Variants in PDSS1 observed in about 807,000 individuals in gnomAD.
PDSS1 encodes the protein all trans-polyprenyl-diphosphate synthase PDSS1.
A neutral mutation model predicts 57.5 loss-of-function variants in PDSS1; 43 were observed. The ratio of observed to expected loss-of-function variants is 0.75; its 90% CI spans 0.59 to 0.96. PDSS1 has a LOEUF of 0.96. Ranked by LOEUF, PDSS1 falls within the 50% of genes least tolerant of loss-of-function variation. The pLI is 0.00. For synonymous variants in PDSS1, 175 were observed against 191.3 expected, an observed-to-expected ratio of 0.91 and a Z score of 0.70; for missense variants, 438 against 527.8, an observed-to-expected ratio of 0.83 and a Z score of 1.67.
At chr10:26,704,293 G>A (rs997077600) in intron 2 of PDSS1, among the ~76,000 whole-genome samples, 1 of 151,972 alleles carries the variant, frequency 6.6e-6, no homozygotes, top group African/African-American at 2.4e-5. Context: ...AAAATAGACA[G>A]TGTTTGTATA....
intron 8 of PDSS1, among the ~76,000 whole-genome samples, chr10:26,726,608 G>A (rs775913731): frequency 1.3e-5 from 2 of 152,128 alleles, no homozygotes; most frequent in Non-Finnish European, 2.9e-5. Context: ...GAACTAATGG[G>A]ATTGCAAAAT....
intron 3 of PDSS1, among the ~76,000 whole-genome samples, 197 bp from the exon 4 acceptor site, chr10:26,705,089 A>C (rs1835165963): frequency 6.6e-6 from 1 of 152,208 alleles, no homozygotes; most frequent in South Asian, 2.1e-4. Context: ...GGCCCTATTT[A>C]TAAAAGTGAT....
intron 2 of PDSS1, among the ~76,000 whole-genome samples, chr10:26,704,391 C>T (rs1338893985): frequency 6.6e-6 from 1 of 152,032 alleles, no homozygotes; most frequent in Non-Finnish European, 1.5e-5. Context: ...AACTAATTTT[C>T]AGGTCTGGAA....
At chr10:26,715,565 G>A (rs1409789599) in intron 5 of PDSS1, 1 of 152,018 alleles carries the variant, frequency 6.6e-6, no homozygotes, top group Non-Finnish European at 1.5e-5. Flanking sequence ...CCCAGCTAAT[G>A]TTTGTATTTT....
chr10:26,739,109 C>T (rs993318641), intron 10 of PDSS1, among the ~76,000 whole-genome samples: 5 of 152,198 alleles, frequency 3.3e-5, no homozygotes, highest in Non-Finnish European at 5.9e-5. Flanking sequence ...GTTGTAGCCA[C>T]GTTTCCAAAT....
At chr10:26,706,739 C>G (rs2132222898) in intron 4 of PDSS1, among the ~76,000 whole-genome samples, 1 of 152,296 alleles carries the variant, frequency 6.6e-6, no homozygotes, top group Non-Finnish European at 1.5e-5. Flanking sequence ...CCTTTCCAGC[C>G]TCTCCTCTGA....
chr10:26,723,666 G>A, intron 6 of PDSS1, 140 bp from the exon 7 acceptor site: 5 of 731,392 alleles, frequency 6.8e-6, no homozygotes, highest in South Asian at 4.3e-5. Context: ...GACTCCTGTT[G>A]AGGAAGAAGA....
chr10:26,732,783 C>T (rs1347591557), intron 8 of PDSS1, among the ~76,000 whole-genome samples: 1 of 152,184 alleles, frequency 6.6e-6, no homozygotes, highest in Non-Finnish European at 1.5e-5. Flanking sequence ...ACAAAGTGTT[C>T]ATCATATGTG....
intron 10 of PDSS1, among the ~76,000 whole-genome samples, chr10:26,741,626 A>C (rs1836612532): frequency 6.6e-6 from 1 of 152,194 alleles, no homozygotes; most frequent in African/African-American, 2.4e-5. Context: ...CTCTGCTCAG[A>C]AACCTCAGTA....
chr10:26,735,098 G>A (rs1836345311), intron 8 of PDSS1, 142 bp from the exon 9 acceptor site: 2 of 730,454 alleles, frequency 2.7e-6, no homozygotes, highest in African/African-American at 1.7e-5. Context: ...TACATGCTTG[G>A]TGTCCCTCTG....
In PDSS1 at chr10:26,712,033, G is replaced by A. The variant is rs900300494; in HGVS notation, c.467+2265G>A. 6.0e-5 allele frequency among the ~76,000 whole-genome samples: 4 copies of A among 67,010 alleles called. 2 individuals are homozygous for A. The highest frequency in any genetic ancestry group is 1.2e-4 in the Non-Finnish European group (4 of 33,000). 44.0% of individuals were successfully genotyped at this position (67,010 alleles called of 152,430 possible). A position where few individuals can be genotyped will look rare whatever the true frequency, so the allele number is the denominator to read the frequency against. On this transcript the variant is annotated intron_variant, in intron 5 of 11. Coordinates refer to ENST00000376215, the MANE Select transcript of PDSS1 (RefSeq NM_014317.5). Reference sequence around the variant, plus strand: ...TTTTTTTTTTTTGAGATGGAGTCTCGCTCTGTTGCCCAGGCTGGAGTGCAA... The same window carrying A: ...TTTTTTTTTTTTGAGATGGAGTCTCACTCTGTTGCCCAGGCTGGAGTGCAA...
intron 11 of PDSS1, among the ~76,000 whole-genome samples, chr10:26,745,425 T>C (rs1012931814): frequency 2.6e-5 from 4 of 152,212 alleles, no homozygotes; most frequent in African/African-American, 9.6e-5. Flanking sequence ...AAGTTGATGC[T>C]ACCTAACAGA....
chr10:26,727,055 C>G (rs1835975233), intron 8 of PDSS1, among the ~76,000 whole-genome samples: 1 of 90,222 alleles, frequency 1.1e-5, no homozygotes, highest in Non-Finnish European at 2.3e-5. Flanking sequence ...GAGCGAGAGT[C>G]TCTCAAAAAA....
Position 26,701,980 on chromosome 10 carries a change from C to T in PDSS1, c.130-182C>T, listed in dbSNP as rs181495464. 8.3e-4 allele frequency: 337 copies of T among 403,980 alleles called. 1 individual carries two copies. The highest frequency in any genetic ancestry group is 6.4e-3 in the African/African-American group (312 of 48,846). The allele number at this position is 403,980 out of a possible 1,614,324, so 25.0% of individuals were successfully genotyped here. The stretch of plus-strand genomic sequence containing the variant: ...GCATCAGTGTGACCTAGATGTGAGA[C>T]ATGGAGTCAAAGATCATTTTGGAGC... On this transcript the variant is annotated intron_variant, in intron 1 of 11. Transcript: ENST00000376215.
Position 26,742,554 on chromosome 10 carries a change from A to G in PDSS1, c.1084A>G (p.Arg362Gly). ...RRFSLPGDVD[R>G]ARQYVLQSDG... Reference sequence around the variant, plus strand: ...GTTCAGTTTGCCTGGAGATGTAGACAGAGCTCGACAGTATGTACTACAGGT... The same window carrying G: ...GTTCAGTTTGCCTGGAGATGTAGACGGAGCTCGACAGTATGTACTACAGGT... The change falls in exon 11 of 12, where the codon AGA (arginine) becomes GGA (glycine). Residue 362 changes from arginine to glycine, a missense_variant. Physicochemically the swap from Arg to Gly is moderately radical, Grantham distance 125. Transcript: ENST00000376215. 1 of 1,610,258 alleles carries G rather than the reference A, an allele frequency of 6.2e-7. No individual in the cohort carries two copies. The highest frequency in any genetic ancestry group is 8.5e-7 in the Non-Finnish European group (1 of 1,176,852).
chr10:26,704,824 T>C, intron 3 of PDSS1, 83 bp downstream of exon 3: 1 of 759,052 alleles, frequency 1.3e-6, no homozygotes, highest in Non-Finnish European at 2.3e-6. Flanking sequence ...TTTGTAGCGA[T>C]GGGGAGCTCA....
intron 2 of PDSS1, among the ~76,000 whole-genome samples, chr10:26,703,329 G>GTTCAGTCAGTTAGAATAT (rs1488286323): frequency 9.2e-6 from 1 of 109,054 alleles, no homozygotes; most frequent in East Asian, 2.4e-4. Context: ...AGTTAGAATA[G>GTTCAGTCAGTTAGAATAT]TTCAGTTAGT....
chr10:26,709,170 A>G (rs1357001544), intron 4 of PDSS1, among the ~76,000 whole-genome samples: 1 of 152,236 alleles, frequency 6.6e-6, no homozygotes, highest in Non-Finnish European at 1.5e-5. Flanking sequence ...CCTGCAGGAC[A>G]GCCAGGTGGA....
At chr10:26,710,021 G>A (rs183883235) in intron 5 of PDSS1, among the ~76,000 whole-genome samples, 1 of 151,864 alleles carries the variant, frequency 6.6e-6, no homozygotes, top group Non-Finnish European at 1.5e-5. Flanking sequence ...GGGCGTGGTG[G>A]CAGGTGCCTG....
Sources: allele counts gnomAD v4.1 joint callset (sites outside exome capture counted in the v4.1 genomes callset), GRCh38; gene constraint gnomAD v4.1.1; transcripts MANE v1.5; gene names NCBI Gene and HGNC (gene_info 2026-07-23, HGNC 2026-07-21).